The following BORCS5 variants were observed in gnomAD, a reference collection of about 807,000 sequenced individuals.
BORCS5 encodes the protein BLOC-1 related complex subunit 5.
BORCS5 carries 17 observed loss-of-function variants against 22.1 expected under a neutral mutation model. The observed-to-expected ratio is 0.77, with a 90% CI of 0.53 to 1.15. BORCS5 has a LOEUF of 1.15. BORCS5 is among the 50% of genes most tolerant of loss of function. The pLI is 0.00. For missense variants in BORCS5, 247 were observed against 253.2 expected, an observed-to-expected ratio of 0.98 and a Z score of 0.17; for synonymous variants, 117 against 99.8, an observed-to-expected ratio of 1.17 and a Z score of -1.03.
At chr12:12,405,315 G>A (rs1051974440) in intron 2 of BORCS5, among the ~76,000 whole-genome samples, 1 of 152,218 alleles carries the variant, frequency 6.6e-6, no homozygotes, top group Non-Finnish European at 1.5e-5. Context: ...AACTCCTCAA[G>A]TAAGTTGCCA....
At chr12:12,429,447 G>T (rs1942366865) in intron 2 of BORCS5, among the ~76,000 whole-genome samples, 1 of 152,148 alleles carries the variant, frequency 6.6e-6, no homozygotes, top group Admixed American at 6.5e-5. Context: ...ATGACCCGGG[G>T]CAGGATTTGC....
chr12:12,387,011 G>T (rs937587672), intron 2 of BORCS5, among the ~76,000 whole-genome samples: 4 of 151,166 alleles, frequency 2.6e-5, no homozygotes, highest in African/African-American at 9.7e-5. Context: ...CTACAGGCAT[G>T]TACCACCATG....
At chr12:12,398,792 C>G (rs777708101) in intron 2 of BORCS5, among the ~76,000 whole-genome samples, 3 of 152,152 alleles carry the variant, frequency 2.0e-5, no homozygotes, top group Non-Finnish European at 4.4e-5. Flanking sequence ...GCAGCCCAAT[C>G]GATAGCTGAT....
At chr12:12,424,308 C>T (rs2136109456) in intron 2 of BORCS5, among the ~76,000 whole-genome samples, 1 of 152,312 alleles carries the variant, frequency 6.6e-6, no homozygotes, top group African/African-American at 2.4e-5. Flanking sequence ...CTTCTGCCTG[C>T]TCAAATCTGC....
chr12:12,409,688 A>G (rs1429038917), intron 2 of BORCS5, among the ~76,000 whole-genome samples: 2 of 152,212 alleles, frequency 1.3e-5, no homozygotes, highest in Non-Finnish European at 2.9e-5. Flanking sequence ...TGCAATAAAC[A>G]TACGTGTTCA....
intron 2 of BORCS5, among the ~76,000 whole-genome samples, chr12:12,395,540 G>T (rs1207112520): frequency 6.6e-6 from 1 of 150,692 alleles, no homozygotes; most frequent in African/African-American, 2.5e-5. Flanking sequence ...ACCTGCCTTG[G>T]CCTCCCAGCG....
intron 2 of BORCS5, among the ~76,000 whole-genome samples, chr12:12,388,862 G>T (rs1863938160): frequency 7.5e-6 from 1 of 134,128 alleles, no homozygotes; most frequent in South Asian, 2.2e-4. Flanking sequence ...CCAGATATGA[G>T]CATAACTCCC....
intron 2 of BORCS5, among the ~76,000 whole-genome samples, chr12:12,392,846 T>C (rs527732145): frequency 6.6e-6 from 1 of 152,236 alleles, no homozygotes; most frequent in Admixed American, 6.5e-5. Context: ...CCTGTATCTA[T>C]TTGGCACCCA....
chr12:12,406,008 C>T (rs892940294), intron 2 of BORCS5, among the ~76,000 whole-genome samples: 4 of 152,248 alleles, frequency 2.6e-5, no homozygotes, highest in African/African-American at 4.8e-5. Context: ...GTGCCTTGCA[C>T]GGCAAACAAT....
intron 2 of BORCS5, among the ~76,000 whole-genome samples, chr12:12,362,148 C>CATGA (rs1863300486): frequency 1.3e-5 from 2 of 152,180 alleles, no homozygotes; most frequent in Non-Finnish European, 2.9e-5. Context: ...AATGCCCCTC[C>CATGA]TCATACACAT....
chr12:12,382,945 A>G (rs1032909952), intron 2 of BORCS5, among the ~76,000 whole-genome samples: 1 of 151,470 alleles, frequency 6.6e-6, no homozygotes, highest in Non-Finnish European at 1.5e-5. Context: ...CCAGTCTGAC[A>G]TTCTCTACCT....
chr12:12,435,223 C>T (rs1460817254), intron 2 of BORCS5, among the ~76,000 whole-genome samples: 1 of 152,200 alleles, frequency 6.6e-6, no homozygotes, highest in East Asian at 1.9e-4. Context: ...TATATTCCCA[C>T]ATTTTCAATT....
Position 12,466,511 on chromosome 12 carries a change from T to C in BORCS5, c.*735T>C, listed in dbSNP as rs556481919. The C allele has an allele frequency of 5.2e-4, 79 of 152,350 alleles. No individual in the cohort carries two copies. Among genetic ancestry groups the C allele is most frequent in the African/African-American group, 1.9e-3 (78 of 41,574 alleles). 9.4% of individuals were successfully genotyped at this position (152,350 alleles called of 1,614,324 possible). ...AGACATTTCTTGAACCCATTTGATG[T>C]GTCCAATATTGTGCCAGGGATACAA... On this transcript the variant is annotated 3_prime_UTR_variant, in exon 4 of 4. Transcript: ENST00000314565.
At chr12:12,450,783 A>G (rs1942893510) in intron 3 of BORCS5, among the ~76,000 whole-genome samples, 1 of 152,174 alleles carries the variant, frequency 6.6e-6, no homozygotes, top group African/African-American at 2.4e-5. Context: ...TCATCTCTGA[A>G]TCTCTAATTT....
At chr12:12,419,954 C>G (rs1317775894) in intron 2 of BORCS5, among the ~76,000 whole-genome samples, 1 of 152,064 alleles carries the variant, frequency 6.6e-6, no homozygotes, top group Non-Finnish European at 1.5e-5. Flanking sequence ...AGCTCTTTGT[C>G]TGATGGATAG....
chr12:12,417,439 T>C (rs1467331373), intron 2 of BORCS5, among the ~76,000 whole-genome samples: 1 of 152,168 alleles, frequency 6.6e-6, no homozygotes, highest in Non-Finnish European at 1.5e-5. Context: ...TATTCTGTTG[T>C]TAGGTACATT....
chr12:12,449,622 G>A (rs1029234167), intron 3 of BORCS5, among the ~76,000 whole-genome samples: 4 of 152,136 alleles, frequency 2.6e-5, no homozygotes, highest in African/African-American at 4.8e-5. Flanking sequence ...TTCTGATATC[G>A]CTTAATTCTT....
chr12:12,470,008 G>A lies in BORCS5; in HGVS notation c.*4232G>A, dbSNP rs556330561. On this transcript the variant is annotated 3_prime_UTR_variant, in exon 4 of 4. Coordinates refer to ENST00000314565, the MANE Select transcript of BORCS5 (RefSeq NM_058169.6). ...CCACAGACTGGTACCCATCTGTGGC[G>A]TGTGAGGAAGTGTGCTGCACAGCAG... 1.1e-4 allele frequency among the ~76,000 whole-genome samples: 16 copies of A among 152,260 alleles called. 1 individual carries two copies. The highest frequency in any genetic ancestry group is 2.6e-4 in the African/African-American group (11 of 41,542).
At chr12:12,378,103 G>A (rs899182873) in intron 2 of BORCS5, among the ~76,000 whole-genome samples, 1 of 152,206 alleles carries the variant, frequency 6.6e-6, no homozygotes, top group Non-Finnish European at 1.5e-5. Flanking sequence ...CGGGCACGGT[G>A]GCTCACACCT....
Sources: allele counts gnomAD v4.1 joint callset (sites outside exome capture counted in the v4.1 genomes callset), GRCh38; gene constraint gnomAD v4.1.1; transcripts MANE v1.5; gene names NCBI Gene and HGNC (gene_info 2026-07-23, HGNC 2026-07-21).